Variants in TUSC3 observed in about 807,000 individuals in gnomAD.
TUSC3 encodes dolichyl-diphosphooligosaccharide--protein glycosyltransferase subunit TUSC3.
TUSC3 carries 45 observed loss-of-function variants against 44.8 expected under a neutral mutation model. The observed-to-expected ratio is 1.00, with a 90% CI of 0.79 to 1.29. The LOEUF is 1.29. Among genes scored for constraint, TUSC3 ranks in the 50% most tolerant of loss-of-function variants. TUSC3 has a pLI of 0.00. For missense variants in TUSC3, 519 were observed against 437.9 expected, an observed-to-expected ratio of 1.19 and a Z score of -1.65; for synonymous variants, 212 against 152.9, an observed-to-expected ratio of 1.39 and a Z score of -2.85.
chr8:15,434,447 A>T (rs1216561407), intron 1 of TUSC3, among the ~76,000 whole-genome samples: 2 of 151,964 alleles, frequency 1.3e-5, no homozygotes, highest in African/African-American at 4.8e-5. Context: ...AATGTCTTTC[A>T]AAGATGAAAT....
At chr8:15,709,111 AAG>A (rs1197923985) in intron 6 of TUSC3, among the ~76,000 whole-genome samples, 2 of 152,048 alleles carry the variant, frequency 1.3e-5, no homozygotes, top group East Asian at 3.9e-4. Flanking sequence ...GCCTGACTAG[AAG>A]AGAGAGGATA....
intron 10 of TUSC3, chr8:15,758,169 C>G (rs1812010812): frequency 9.2e-7 from 1 of 1,084,724 alleles, no homozygotes; most frequent in East Asian, 6.1e-5. Flanking sequence ...AGGCAGTCAA[C>G]AAATATATTT....
intron 1 of TUSC3, among the ~76,000 whole-genome samples, chr8:15,600,347 G>C (rs1804234758): frequency 6.6e-6 from 1 of 151,724 alleles, no homozygotes; most frequent in African/African-American, 2.4e-5. Flanking sequence ...ATAAAAAATA[G>C]AGATGCTTCA....
intron 7 of TUSC3, 70 bp from the exon 8 acceptor site, chr8:15,743,468 G>A (rs996924680): frequency 2.7e-6 from 4 of 1,499,006 alleles, no homozygotes; most frequent in South Asian, 1.1e-5. Context: ...GGAACATTGT[G>A]TTCAGAGCCA....
chr8:15,714,544 T>G (rs1288274205), intron 6 of TUSC3, among the ~76,000 whole-genome samples: 2 of 152,178 alleles, frequency 1.3e-5, no homozygotes, highest in Non-Finnish European at 2.9e-5. Flanking sequence ...ACCAACATGG[T>G]TCTGAAATAC....
At chr8:15,520,687 C>T (rs1223311329) in intron 2 of TUSC3, among the ~76,000 whole-genome samples, 1 of 152,162 alleles carries the variant, frequency 6.6e-6, no homozygotes, top group African/African-American at 2.4e-5. Context: ...TTTCCTCATG[C>T]ATTCATATTT....
chr8:15,559,285 T>G (rs2129139436), intron 1 of TUSC3, among the ~76,000 whole-genome samples: 1 of 143,904 alleles, frequency 6.9e-6, no homozygotes, highest in Non-Finnish European at 1.5e-5. Flanking sequence ...AGGAGCAGGT[T>G]GTTCAGTTTC....
At chr8:15,758,768 G>A (rs1812044154) in intron 10 of TUSC3, among the ~76,000 whole-genome samples, 1 of 151,970 alleles carries the variant, frequency 6.6e-6, no homozygotes, top group South Asian at 2.1e-4. Context: ...GTTAAATGTG[G>A]TTAACACTTT....
chr8:15,547,999 A>G (rs1176843642), intron 1 of TUSC3, among the ~76,000 whole-genome samples: 1 of 149,644 alleles, frequency 6.7e-6, no homozygotes, highest in Non-Finnish European at 1.5e-5. Context: ...TTTATTTTTA[A>G]TTGTTTTTTC....
Position 15,661,956 on chromosome 8 carries a change from G to T in TUSC3, c.568-200G>T, listed in dbSNP as rs1035942296. 2.0e-5 allele frequency among the ~76,000 whole-genome samples: 3 copies of T among 151,974 alleles called. No individual in the cohort carries two copies. The East Asian group carries it at 5.8e-4, about 29-fold the overall frequency. ...CTCAGCATTGTTAGTCATCAGGGAA[G>T]TGCAAAGTCGTTTTACATAGCCATT... On this transcript the variant is annotated intron_variant, in intron 4 of 10. Coordinates refer to ENST00000503731, the MANE Select transcript of TUSC3 (RefSeq NM_006765.4).
chr8:15,419,172 G>T (rs776977608), intron 1 of TUSC3, among the ~76,000 whole-genome samples: 3 of 152,156 alleles, frequency 2.0e-5, no homozygotes, highest in Non-Finnish European at 2.9e-5. Context: ...GAACCTGAAT[G>T]TAACTGTGAG....
At chr8:15,738,827 C>CTTTTTTTTTCTTTCTTTTTTTT (rs1554484836) in intron 7 of TUSC3, among the ~76,000 whole-genome samples, 6 of 87,172 alleles carry the variant, frequency 6.9e-5, no homozygotes, top group African/African-American at 9.7e-5. Context: ...ATATATCTTG[C>CTTTTTTTTTCTTTCTTTTTTTT]TTTTTTTTTT....
chr8:15,833,227 G>A, the TUSC3 span, among the ~76,000 whole-genome samples: 51 of 152,262 alleles, frequency 3.3e-4, 1 homozygote, highest in African/African-American at 8.4e-4. Context: ...TGGCAAGGTT[G>A]CGGAGAAAAA....
At chr8:15,775,403 T>G in the TUSC3 span, among the ~76,000 whole-genome samples, 3 of 152,088 alleles carry the variant, frequency 2.0e-5, no homozygotes, top group Admixed American at 1.3e-4. Context: ...ATTGTGAATG[T>G]ACTTCATGCT....
At chr8:15,664,087 C>CT (rs1046710754) in intron 5 of TUSC3, among the ~76,000 whole-genome samples, 1 of 151,730 alleles carries the variant, frequency 6.6e-6, no homozygotes, top group African/African-American at 2.4e-5. Flanking sequence ...TTACTGATCT[C>CT]TTTTTTCTTT....
At chr8:15,500,934 C>T (rs1800955608) in intron 2 of TUSC3, among the ~76,000 whole-genome samples, 1 of 152,156 alleles carries the variant, frequency 6.6e-6, no homozygotes, top group African/African-American at 2.4e-5. Context: ...TAAATTCTTA[C>T]AAGGTATAAC....
intron 5 of TUSC3, among the ~76,000 whole-genome samples, chr8:15,670,182 T>G (rs1344476229): frequency 6.6e-6 from 1 of 151,864 alleles, no homozygotes; most frequent in Non-Finnish European, 1.5e-5. Context: ...CGTCTTGATC[T>G]TGAGTAGAAT....
intron 1 of TUSC3, among the ~76,000 whole-genome samples, chr8:15,428,793 C>A (rs1799836560): frequency 6.6e-6 from 1 of 151,954 alleles, no homozygotes; most frequent in Non-Finnish European, 1.5e-5. Context: ...TGTTCATATC[C>A]TTTGCCCACT....
chr8:15,567,059 T>C (rs1419622717), intron 1 of TUSC3, among the ~76,000 whole-genome samples: 1 of 152,182 alleles, frequency 6.6e-6, no homozygotes, highest in Non-Finnish European at 1.5e-5. Context: ...ATTCTAGTCA[T>C]GGCTCTTTTA....
Sources: gnomAD v4.1 joint callset for allele counts (sites outside exome capture counted in the v4.1 genomes callset) on GRCh38, gnomAD v4.1.1 for gene constraint, MANE v1.5 for transcripts, NCBI Gene and HGNC (gene_info 2026-07-23, HGNC 2026-07-21) for gene names.